The following IL18R1 variants were observed in gnomAD, a reference collection of about 807,000 sequenced individuals.
IL18R1 encodes the protein interleukin-18 receptor 1.
Under a neutral mutation model 48.5 loss-of-function variants are expected in IL18R1, and 40 were observed. The observed-to-expected ratio is 0.82, with a 90% CI of 0.64 to 1.07. The LOEUF is 1.07. IL18R1 is among the 50% of genes least tolerant of loss of function. IL18R1 has a pLI of 0.00. For missense variants in IL18R1, 596 were observed against 633.7 expected (o/e 0.94, Z 0.64); for synonymous variants, 232 against 225.9 (o/e 1.03, Z -0.24).
In IL18R1 at chr2:102,374,553, C is replaced by T. The variant is rs191096862; in HGVS notation, c.469-1354C>T. 9.7e-4 allele frequency among the ~76,000 whole-genome samples: 148 copies of T among 152,046 alleles called. 2 individuals carry two copies. In the East Asian group the frequency reaches 0.023, roughly 23 times the overall value. On this transcript the variant is annotated intron_variant, in intron 4 of 10. Coordinates refer to ENST00000233957, the MANE Select transcript of IL18R1 (RefSeq NM_003855.5). ...CAGCACTTTGTGAGGCTGAGGTGGG[C>T]GGATTATTAGGTCAGGTGATCGAGA...
chr2:102,382,331 A>G (rs1349359752), intron 6 of IL18R1, among the ~76,000 whole-genome samples: 1 of 152,076 alleles, frequency 6.6e-6, no homozygotes, highest in East Asian at 1.9e-4. Flanking sequence ...CACTCTGGAG[A>G]GATGAGTCAA....
At chr2:102,371,191 A>G (rs1247070896) in intron 3 of IL18R1, among the ~76,000 whole-genome samples, 1 of 151,844 alleles carries the variant, frequency 6.6e-6, no homozygotes, top group Non-Finnish European at 1.5e-5. Flanking sequence ...TACCCAGCTA[A>G]TTTTTGTAGT....
intron 3 of IL18R1, among the ~76,000 whole-genome samples, chr2:102,369,365 A>G (rs1679110154): frequency 6.6e-6 from 1 of 152,262 alleles, no homozygotes; most frequent in South Asian, 2.1e-4. Context: ...GTAGTAGAGA[A>G]TACAGCCTGG....
At chr2:102,365,513 T>G (rs921551425) in intron 2 of IL18R1, among the ~76,000 whole-genome samples, 1 of 152,296 alleles carries the variant, frequency 6.6e-6, no homozygotes, top group South Asian at 2.1e-4. Context: ...GTTGAGTTTC[T>G]GGGCTTTTTC....
rs1485953402 is a variant in IL18R1, at chr2:102,356,155, T to C, written c.-274T>C. ...CCGGCCGGGGTTAGCAGCCAGGAGC[T>C]GCCAGACGCCTGACATTCTTCTTTC... On this transcript the variant is annotated 5_prime_UTR_variant, in exon 1 of 11. Transcript: ENST00000233957. 1 of 183,186 alleles carries C rather than the reference T, an allele frequency of 5.5e-6. No individual in the cohort carries two copies. The highest frequency in any genetic ancestry group is 1.0e-5 in the Non-Finnish European group (1 of 97,178). 11.3% of individuals were successfully genotyped at this position (183,186 alleles called of 1,614,324 possible).
At chr2:102,362,400 C>G (rs1175005029) in intron 1 of IL18R1, among the ~76,000 whole-genome samples, 1 of 152,164 alleles carries the variant, frequency 6.6e-6, no homozygotes, top group African/African-American at 2.4e-5. Context: ...TCTGTTGTAT[C>G]AGAGAAATAA....
intron 5 of IL18R1, among the ~76,000 whole-genome samples, chr2:102,377,249 A>C (rs1679642882): frequency 6.6e-6 from 1 of 152,232 alleles, no homozygotes; most frequent in South Asian, 2.1e-4. Context: ...GGTAAAATCA[A>C]GGTTTTGCCA....
Position 102,398,526 on chromosome 2 carries a change from TTTAA to T in IL18R1, c.*1646_*1649del, listed in dbSNP as rs747660194. ...TGGATGACTAAAAAGAGTAAAATAA[TTTAA>T]TTAATAGCTCATATTTTATGTGTGA... On this transcript the variant is annotated 3_prime_UTR_variant, in exon 11 of 11. Coordinates refer to ENST00000233957, the MANE Select transcript of IL18R1 (RefSeq NM_003855.5). 3 of 152,256 alleles carry T rather than the reference TTTAA, an allele frequency of 2.0e-5. No homozygotes were observed. The highest frequency in any genetic ancestry group is 4.4e-5 in the Non-Finnish European group (3 of 68,034). 9.4% of individuals were successfully genotyped at this position (152,256 alleles called of 1,614,324 possible).
intron 9 of IL18R1, among the ~76,000 whole-genome samples, chr2:102,393,274 C>A (rs1031903162): frequency 2.0e-5 from 3 of 151,918 alleles, no homozygotes; most frequent in African/African-American, 7.3e-5. Context: ...GAGGGGGAAC[C>A]TACTTACTGA....
At chr2:102,382,543 C>T (rs1213409945) in intron 6 of IL18R1, among the ~76,000 whole-genome samples, 1 of 152,160 alleles carries the variant, frequency 6.6e-6, no homozygotes, top group Non-Finnish European at 1.5e-5. Flanking sequence ...CATGCTAGGT[C>T]ATTGAAATAT....
chr2:102,396,656 G>C lies in IL18R1; in HGVS notation c.1396G>C (p.Glu466Gln). Residue 466 changes from glutamate to glutamine, a missense_variant, in exon 11 of 11, where the codon GAA becomes CAA. Glu to Gln is a conservative substitution (Grantham distance 29). This residue lies in a region of IL18R1 where 179 missense variants were observed against 206.1 expected (regional missense o/e 0.87). Transcript: ENST00000233957. ...AAGTGGACTCCATGAAGCATTGGTG[G>C]AAAGAAAAATTAAAATAATCTTAAT... ...LESGLHEALVERKIKIILIEF... is the reference protein window; with the variant it reads ...LESGLHEALVQRKIKIILIEF... The C allele has an allele frequency of 6.2e-7, 1 of 1,613,416 alleles. No individual in the cohort carries two copies. The highest frequency in any genetic ancestry group is 1.6e-4 in the Middle Eastern group (1 of 6,062).
intron 1 of IL18R1, among the ~76,000 whole-genome samples, chr2:102,356,739 T>A (rs1450639496): frequency 6.6e-6 from 1 of 152,150 alleles, no homozygotes; most frequent in Admixed American, 6.5e-5. Flanking sequence ...AAGGGCCACA[T>A]GAAATAGGAA....
At chr2:102,372,271 G>C (rs1679310712) in intron 4 of IL18R1, among the ~76,000 whole-genome samples, 153 bp downstream of exon 4, 1 of 152,170 alleles carries the variant, frequency 6.6e-6, no homozygotes, top group Non-Finnish European at 1.5e-5. Flanking sequence ...TATCCTCACT[G>C]GCTTGTTGTC....
At chr2:102,379,444 C>CAAAAAAAA (rs112656218) in intron 5 of IL18R1, among the ~76,000 whole-genome samples, 2 of 102,942 alleles carry the variant, frequency 1.9e-5, no homozygotes. Context: ...GACTCGGTCT[C>CAAAAAAAA]AAAAAAAAAA....
chr2:102,358,454 G>A (rs1377100404), intron 1 of IL18R1, among the ~76,000 whole-genome samples: 1 of 152,090 alleles, frequency 6.6e-6, no homozygotes, highest in East Asian at 1.9e-4. Flanking sequence ...TCATGCCTTT[G>A]GGTGATTAGG....
intron 7 of IL18R1, among the ~76,000 whole-genome samples, chr2:102,385,656 T>A (rs1680182397): frequency 6.6e-6 from 1 of 152,228 alleles, no homozygotes; most frequent in African/African-American, 2.4e-5. Context: ...ACCTTCTTTG[T>A]TACCATGCTT....
At chr2:102,384,599 A>G (rs1050208445) in intron 6 of IL18R1, among the ~76,000 whole-genome samples, 1 of 152,222 alleles carries the variant, frequency 6.6e-6, no homozygotes, top group African/African-American at 2.4e-5. Context: ...TCCTGATGCT[A>G]CGAAAAGAAA....
At chr2:102,358,536 A>G (rs1166793997) in intron 1 of IL18R1, among the ~76,000 whole-genome samples, 1 of 152,194 alleles carries the variant, frequency 6.6e-6, no homozygotes. Flanking sequence ...AATATTTAAT[A>G]TGTCTTAGAC....
chr2:102,394,245 GT>G (rs1424946185), intron 9 of IL18R1, among the ~76,000 whole-genome samples: 1 of 152,056 alleles, frequency 6.6e-6, no homozygotes, highest in African/African-American at 2.4e-5. Context: ...ATATATCTCT[GT>G]ATTCTTCTGT....
Sources: allele counts gnomAD v4.1 joint callset (sites outside exome capture counted in the v4.1 genomes callset), GRCh38; gene constraint gnomAD v4.1.1; regional missense constraint gnomAD v4.1.1; transcripts MANE v1.5; gene names NCBI Gene and HGNC (gene_info 2026-07-23, HGNC 2026-07-21).